Variants in TENM4 observed in about 807,000 individuals in gnomAD.
TENM4 encodes teneurin-4.
A neutral mutation model predicts 243.3 loss-of-function variants in TENM4; 82 were observed. The observed-to-expected ratio is 0.34, with a 90% CI of 0.28 to 0.40. TENM4 has a LOEUF of 0.40. TENM4 is among the 10% of genes least tolerant of loss of function. The pLI, the probability that TENM4 is intolerant of heterozygous loss-of-function variation, is 1.00. For missense variants in TENM4, 3,138 were observed against 3,673.3 expected (o/e 0.85, Z 3.77); for synonymous variants, 1,412 against 1,456.3 (o/e 0.97, Z 0.69).
At chr11:78,865,242 C>T (rs898246732) in intron 9 of TENM4, among the ~76,000 whole-genome samples, 1 of 152,184 alleles carries the variant, frequency 6.6e-6, no homozygotes, top group Non-Finnish European at 1.5e-5. Flanking sequence ...TTAATAACCC[C>T]ATTTTACAGA....
chr11:79,067,792 CTGAGGCCCGGGGCA>C (rs1860302098), intron 5 of TENM4: 1 of 152,100 alleles, frequency 6.6e-6, no homozygotes, highest in East Asian at 1.9e-4. Flanking sequence ...GGCCTCTTTT[CTGAGGCCCGGGGCA>C]TGAGTTGACA....
intron 3 of TENM4, among the ~76,000 whole-genome samples, chr11:79,155,192 A>G (rs1019825976): frequency 7.9e-5 from 12 of 152,142 alleles, no homozygotes; most frequent in African/African-American, 2.4e-4. Flanking sequence ...CAGAAGAGGG[A>G]CAGATCCGGA....
chr11:79,173,649 T>C (rs1270362297), intron 3 of TENM4, among the ~76,000 whole-genome samples: 1 of 152,192 alleles, frequency 6.6e-6, no homozygotes, highest in Non-Finnish European at 1.5e-5. Context: ...GGTTGCTACT[T>C]ATTGGGCTGC....
chr11:79,190,454 T>A (rs1485471124), intron 3 of TENM4, among the ~76,000 whole-genome samples: 1 of 152,158 alleles, frequency 6.6e-6, no homozygotes, highest in East Asian at 1.9e-4. Flanking sequence ...CTAAGTCTTA[T>A]TTTTCTTTAA....
chr11:79,143,955 A>C (rs1196443865), intron 4 of TENM4, among the ~76,000 whole-genome samples: 1 of 152,012 alleles, frequency 6.6e-6, no homozygotes, highest in Admixed American at 6.6e-5. Flanking sequence ...ATTGGATCAC[A>C]TCAAGTTGAA....
chr11:79,215,586 C>G (rs1288055524), intron 3 of TENM4, among the ~76,000 whole-genome samples: 1 of 152,172 alleles, frequency 6.6e-6, no homozygotes. Context: ...TGGCTGCCAG[C>G]TTGGTTTCCA....
intron 3 of TENM4, among the ~76,000 whole-genome samples, chr11:79,174,215 G>A (rs1354018760): frequency 2.6e-5 from 4 of 151,838 alleles, no homozygotes; most frequent in East Asian, 1.9e-4. Flanking sequence ...TTCTTTGCCC[G>A]GGTGCTTCTA....
intron 1 of TENM4, among the ~76,000 whole-genome samples, chr11:79,328,829 A>C (rs1857016349): frequency 6.6e-6 from 1 of 152,126 alleles, no homozygotes; most frequent in Non-Finnish European, 1.5e-5. Flanking sequence ...AGCACCTCAC[A>C]GTTTCTTCTT....
chr11:78,813,169 A>G (rs1000988740), intron 13 of TENM4, among the ~76,000 whole-genome samples: 2 of 152,206 alleles, frequency 1.3e-5, no homozygotes, highest in South Asian at 4.1e-4. Flanking sequence ...TGCTGCCTCA[A>G]ACTGAGTCTG....
At chr11:79,296,705 C>T (rs770377716) in intron 2 of TENM4, among the ~76,000 whole-genome samples, 3 of 152,202 alleles carry the variant, frequency 2.0e-5, no homozygotes, top group African/African-American at 4.8e-5. Flanking sequence ...AGCTCTAACC[C>T]TTACTCAAGG....
intron 12 of TENM4, among the ~76,000 whole-genome samples, chr11:78,836,298 C>T (rs940865850): frequency 1.3e-5 from 2 of 152,042 alleles, no homozygotes; most frequent in African/African-American, 2.4e-5. Flanking sequence ...TGCAGTCAGC[C>T]GAGATTGCGC....
In TENM4 at chr11:78,670,450, T is replaced by C. The variant is rs1162984834; in HGVS notation, c.5895A>G (p.Thr1965=). Residue 1965 remains threonine (T), a synonymous_variant, in exon 32 of 34, where the codon ACA becomes ACG. Coordinates refer to ENST00000278550, the MANE Select transcript of TENM4 (RefSeq NM_001098816.3). Reference sequence around the variant, plus strand: ...AGCCCACTGAGCGGATGGTCTCTAGTGTCTGCCGCGCCACGTTGGGCATCG... The same window carrying C: ...AGCCCACTGAGCGGATGGTCTCTAGCGTCTGCCGCGCCACGTTGGGCATCG... ...SVTMPNVARQ[T]LETIRSVGYY... The C allele has an allele frequency of 4.3e-6, 7 of 1,613,898 alleles. No individual in the cohort carries two copies. Among genetic ancestry groups the C allele is most frequent in the Admixed American group, 1.7e-5 (1 of 60,004 alleles).
intron 4 of TENM4, among the ~76,000 whole-genome samples, chr11:79,109,633 C>A (rs550465885): frequency 2.0e-5 from 3 of 152,238 alleles, no homozygotes; most frequent in African/African-American, 7.2e-5. Flanking sequence ...TATGTTCCTG[C>A]ATGTAAAATA....
intron 2 of TENM4, among the ~76,000 whole-genome samples, chr11:79,272,393 A>T (rs1017636716): frequency 6.6e-6 from 1 of 152,252 alleles, no homozygotes; most frequent in African/African-American, 2.4e-5. Context: ...CATTTATTTC[A>T]TCTATAAAGA....
At chr11:79,158,404 G>C (rs1397322298) in intron 3 of TENM4, among the ~76,000 whole-genome samples, 1 of 152,158 alleles carries the variant, frequency 6.6e-6, no homozygotes, top group Non-Finnish European at 1.5e-5. Context: ...GCCTGGCTCT[G>C]TCATGATAGC....
In TENM4 at chr11:78,726,178, A is replaced by G; in HGVS notation, c.3451T>C (p.Trp1151Arg). 2 of 1,613,966 alleles carry G rather than the reference A, an allele frequency of 1.2e-6. No individual in the cohort carries two copies. Among genetic ancestry groups the G allele is most frequent in the Non-Finnish European group, 1.7e-6 (2 of 1,179,882 alleles). The change falls in exon 23 of 34, where the codon TGG (tryptophan) becomes CGG (arginine). Residue 1151 changes from tryptophan (W) to arginine (R), a missense_variant. Trp to Arg is a moderately radical substitution (Grantham distance 101, BLOSUM62 -3). This residue lies in a region of TENM4 where 2,467 missense variants were observed against 3,059.1 expected (regional missense o/e 0.81). Coordinates refer to ENST00000278550, the MANE Select transcript of TENM4 (RefSeq NM_001098816.3). ...EYESCPDLILWEKRTTVLQGY... is the reference protein window; with the variant it reads ...EYESCPDLILREKRTTVLQGY... ...TGCAGCACTGTTGTTCTTTTTTCCC[A>G]CAGGATTAGATCTGGGCAGGATTCA... is the stretch of plus-strand genomic sequence containing the variant.
intron 4 of TENM4, among the ~76,000 whole-genome samples, chr11:79,101,496 A>T (rs2137078950): frequency 6.6e-6 from 1 of 152,316 alleles, no homozygotes; most frequent in Non-Finnish European, 1.5e-5. Flanking sequence ...TTTGAAATGG[A>T]TTGACATGGC....
intron 1 of TENM4, among the ~76,000 whole-genome samples, chr11:79,415,465 C>T (rs968136243): frequency 2.0e-5 from 3 of 152,142 alleles, no homozygotes; most frequent in Non-Finnish European, 2.9e-5. Flanking sequence ...AGGTCAGACT[C>T]GGTGCTCAGG....
intron 2 of TENM4, among the ~76,000 whole-genome samples, chr11:79,291,176 G>A (rs1048154507): frequency 1.3e-5 from 2 of 152,112 alleles, no homozygotes; most frequent in African/African-American, 4.8e-5. Flanking sequence ...TGACATCCAG[G>A]TGACTCTGTG....
Sources: allele counts gnomAD v4.1 joint callset (sites outside exome capture counted in the v4.1 genomes callset), GRCh38; gene constraint gnomAD v4.1.1; regional missense constraint gnomAD v4.1.1; transcripts MANE v1.5; gene names NCBI Gene and HGNC (gene_info 2026-07-23, HGNC 2026-07-21).